The following NRF1 variants were observed in gnomAD, a reference collection of about 807,000 sequenced individuals.
The protein encoded by NRF1 is alpha palindromic-binding protein.
Under a neutral mutation model 58.5 loss-of-function variants are expected in NRF1, and 5 were observed. The observed-to-expected ratio is 0.09, with a 90% CI of 0.04 to 0.18. NRF1 has a LOEUF of 0.18. Among genes scored for constraint, NRF1 ranks in the 10% least tolerant of loss-of-function variants. NRF1 has a pLI of 1.00. For missense variants in NRF1, 288 were observed against 657.7 expected, an observed-to-expected ratio of 0.44 and a Z score of 6.15; for synonymous variants, 224 against 246.7, an observed-to-expected ratio of 0.91 and a Z score of 0.86.
At chr7:129,706,982 TTTTTGTTTTGTTTTG>T (rs541695552) in intron 5 of NRF1, among the ~76,000 whole-genome samples, 1 of 152,028 alleles carries the variant, frequency 6.6e-6, no homozygotes, top group Admixed American at 6.6e-5. Flanking sequence ...CGCTTTAGGA[TTTTTGTTTTGTTTTG>T]TTTTGTTTTG....
intron 10 of NRF1, among the ~76,000 whole-genome samples, chr7:129,728,422 T>C (rs991089184): frequency 2.8e-5 from 4 of 143,830 alleles, no homozygotes; most frequent in African/African-American, 1.1e-4. Context: ...TGACCTGAGA[T>C]TGCGCCACTG....
At chr7:129,655,158 A>G (rs1293432589) in intron 1 of NRF1, among the ~76,000 whole-genome samples, 1 of 151,692 alleles carries the variant, frequency 6.6e-6, no homozygotes, top group Admixed American at 6.6e-5. Flanking sequence ...TTTCATATAG[A>G]TCTTGTACAT....
At chr7:129,729,787 C>T (rs1803536406) in intron 10 of NRF1, among the ~76,000 whole-genome samples, 1 of 152,140 alleles carries the variant, frequency 6.6e-6, no homozygotes, top group Non-Finnish European at 1.5e-5. Flanking sequence ...TTCTCTTTTT[C>T]ATCATTCTTT....
At chr7:129,691,305 A>G (rs984584626) in intron 5 of NRF1, among the ~76,000 whole-genome samples, 1 of 151,690 alleles carries the variant, frequency 6.6e-6, no homozygotes, top group Admixed American at 6.6e-5. Flanking sequence ...AGCTTCATCA[A>G]AATCAAACAC....
intron 1 of NRF1, among the ~76,000 whole-genome samples, chr7:129,656,677 C>T (rs553046492): frequency 5.3e-5 from 8 of 152,062 alleles, no homozygotes; most frequent in Non-Finnish European, 7.4e-5. Context: ...CGAGTTCAAG[C>T]ACTTCTCCTG....
intron 1 of NRF1, among the ~76,000 whole-genome samples, chr7:129,615,093 G>A (rs565200895): frequency 1.4e-4 from 21 of 152,334 alleles, no homozygotes; most frequent in African/African-American, 4.3e-4. Flanking sequence ...ATTTTTCCCT[G>A]AGTATTTGAA....
At chr7:129,716,197 T>C (rs971794795) in intron 8 of NRF1, among the ~76,000 whole-genome samples, 1 of 151,982 alleles carries the variant, frequency 6.6e-6, no homozygotes, top group African/African-American at 2.4e-5. Flanking sequence ...GGAAATGGGG[T>C]GAATGTGTGT....
intron 1 of NRF1, among the ~76,000 whole-genome samples, chr7:129,618,731 C>T (rs1176487444): frequency 6.6e-6 from 1 of 152,010 alleles, no homozygotes; most frequent in Admixed American, 6.6e-5. Flanking sequence ...ATTGAGTATC[C>T]TTTATCCAAA....
In NRF1 at chr7:129,614,184, C is replaced by T. The variant is rs532159818; in HGVS notation, c.-7+2360C>T. On this transcript the variant is annotated intron_variant, in intron 1 of 10. Coordinates refer to ENST00000393232, the MANE Select transcript of NRF1 (RefSeq NM_005011.5). ...AGGCTGGAGTGCAGTGGTGCGATCT[C>T]GGCTCACTGCAACATCTGCCTCCTG... Among the ~76,000 whole-genome samples the T allele has an allele frequency of 5.3e-5, 8 of 152,242 alleles. No individual in the cohort carries two copies. In the East Asian group the frequency reaches 7.8e-4, roughly 15 times the overall value.
At chr7:129,702,847 C>T (rs1802862344) in intron 5 of NRF1, among the ~76,000 whole-genome samples, 1 of 152,086 alleles carries the variant, frequency 6.6e-6, no homozygotes, top group Non-Finnish European at 1.5e-5. Flanking sequence ...GTCTGAAAGA[C>T]CTTTTCTTGG....
chr7:129,691,991 G>A (rs968247645), intron 5 of NRF1, among the ~76,000 whole-genome samples: 1 of 152,102 alleles, frequency 6.6e-6, no homozygotes, highest in African/African-American at 2.4e-5. Flanking sequence ...CTCTCCAGGC[G>A]TTCCCCATAT....
intron 1 of NRF1, among the ~76,000 whole-genome samples, chr7:129,619,429 T>TACACACACACAC (rs1384098912): frequency 6.7e-5 from 5 of 75,154 alleles, no homozygotes; most frequent in Non-Finnish European, 8.9e-5. Context: ...TATATATATA[T>TACACACACACAC]ATATACACAC....
At chr7:129,733,069 A>G (rs1359593933) in intron 10 of NRF1, among the ~76,000 whole-genome samples, 1 of 150,038 alleles carries the variant, frequency 6.7e-6, no homozygotes, top group African/African-American at 2.5e-5. Context: ...AGACTGTCTC[A>G]AACAAACAAA....
chr7:129,696,060 TAAAAAAAAAAA>T (rs11434445), intron 5 of NRF1, among the ~76,000 whole-genome samples: 2 of 53,388 alleles, frequency 3.7e-5, no homozygotes, highest in Admixed American at 2.5e-4. Flanking sequence ...CCGTCTCTAC[TAAAAAAAAAAA>T]AAAAAAAAAA....
intron 9 of NRF1, among the ~76,000 whole-genome samples, chr7:129,717,686 C>A (rs929271845): frequency 6.6e-6 from 1 of 152,130 alleles, no homozygotes; most frequent in Non-Finnish European, 1.5e-5. Flanking sequence ...ATGGAAAGAT[C>A]ATCTCCGCAT....
intron 2 of NRF1, among the ~76,000 whole-genome samples, chr7:129,659,133 C>G (rs1317257792): frequency 7.8e-6 from 1 of 128,586 alleles, no homozygotes; most frequent in Non-Finnish European, 1.5e-5. Context: ...GGCTGGAGTG[C>G]AGTGGCACAA....
At chr7:129,694,909 G>C (rs1367378226) in intron 5 of NRF1, among the ~76,000 whole-genome samples, 1 of 152,154 alleles carries the variant, frequency 6.6e-6, no homozygotes, top group East Asian at 1.9e-4. Context: ...GTTTATTACA[G>C]CATGCTTACA....
intron 9 of NRF1, among the ~76,000 whole-genome samples, chr7:129,719,123 G>C (rs1273855375): frequency 6.6e-6 from 1 of 151,898 alleles, no homozygotes; most frequent in Non-Finnish European, 1.5e-5. Flanking sequence ...TAAGAATGGA[G>C]GTAAAGTGAT....
chr7:129,685,995 A>G (rs998053471), intron 4 of NRF1, among the ~76,000 whole-genome samples: 3 of 151,012 alleles, frequency 2.0e-5, no homozygotes, highest in Admixed American at 6.6e-5. Flanking sequence ...CTGGCTACTC[A>G]GGAGGCTGAG....
Sources: gnomAD v4.1 joint callset for allele counts (sites outside exome capture counted in the v4.1 genomes callset) on GRCh38, gnomAD v4.1.1 for gene constraint, MANE v1.5 for transcripts, NCBI Gene and HGNC (gene_info 2026-07-23, HGNC 2026-07-21) for gene names.